The following AAMDC variants were observed in gnomAD, a reference collection of about 807,000 sequenced individuals.
AAMDC encodes the protein adipogenesis associated Mth938 domain containing.
Under a neutral mutation model 15.5 loss-of-function variants are expected in AAMDC, and 16 were observed. That is an observed-to-expected ratio of 1.03 (90% CI 0.70 to 1.57). AAMDC has a LOEUF of 1.57. AAMDC is among the 40% of genes most tolerant of loss of function. AAMDC has a pLI of 0.00. For missense variants in AAMDC, 141 were observed against 144.9 expected, an observed-to-expected ratio of 0.97 and a Z score of 0.14; for synonymous variants, 51 against 51.6, an observed-to-expected ratio of 0.99 and a Z score of 0.05.
chr11:77,831,918 C>T (rs367659829), intron 1 of AAMDC: 1 of 142,654 alleles, frequency 7.0e-6, no homozygotes. Flanking sequence ...CCATGTTGGC[C>T]AGTCTGGTCT....
downstream of AAMDC, chr11:77,877,056 A>C (rs117791419): frequency 4.5e-3 from 3,163 of 702,890 alleles, 8 homozygotes; most frequent in Non-Finnish European, 6.7e-3. Context: ...ACAGGTAAGC[A>C]CACTAGAAAA....
intron 2 of AAMDC, chr11:77,869,083 C>G (rs1951272927): frequency 6.9e-6 from 2 of 291,658 alleles, no homozygotes; most frequent in Non-Finnish European, 6.6e-6. Context: ...TACAGTATCA[C>G]CTGTCTCATA....
At chr11:77,878,988 A>G (rs1951687540) in intron 5 of AAMDC, 1 of 1,614,100 alleles carries the variant, frequency 6.2e-7, no homozygotes, top group East Asian at 2.2e-5. Context: ...AAACTTTTAC[A>G]GGCTTGCTGA....
chr11:77,863,832 G>A (rs1298446793), intron 2 of AAMDC, among the ~76,000 whole-genome samples: 1 of 152,000 alleles, frequency 6.6e-6, no homozygotes, highest in Non-Finnish European at 1.5e-5. Flanking sequence ...TCTCATTATT[G>A]CAGCTAATAT....
Position 77,872,177 on chromosome 11 carries a change from G to A in AAMDC, c.231G>A (p.Val77=). 1 of 1,612,014 alleles carries A rather than the reference G, an allele frequency of 6.2e-7. No individual in the cohort carries two copies. Among genetic ancestry groups the A allele is most frequent in the Non-Finnish European group, 8.5e-7 (1 of 1,179,220 alleles). Residue 77 remains valine, a splice_region_variant and synonymous_variant, in exon 4 of 4, where the codon GTG becomes GTA. Transcript: ENST00000393427. ...IGRGMSEALK[V]PSSTVEYLKK... is the part of the protein sequence containing the mutation. ...TCATCTCTTTTCCACCTTCCCAGGT[G>A]CCTTCATCAACTGTGGAGTACCTCA...
At chr11:77,883,643 G>A (rs1187244131) in intron 5 of AAMDC, among the ~76,000 whole-genome samples, 5 of 152,070 alleles carry the variant, frequency 3.3e-5, no homozygotes. Context: ...TCAAAGCACT[G>A]TAGCAAATTA....
chr11:77,823,248 T>C (rs909360357), intron 1 of AAMDC, among the ~76,000 whole-genome samples: 1 of 147,402 alleles, frequency 6.8e-6, no homozygotes, highest in Non-Finnish European at 1.5e-5. Context: ...ATTAAAATCC[T>C]ACTTCAGGAA....
intron 1 of AAMDC, among the ~76,000 whole-genome samples, chr11:77,821,782 T>G (rs1188083396): frequency 6.6e-6 from 1 of 152,052 alleles, no homozygotes; most frequent in East Asian, 1.9e-4. Flanking sequence ...CTACCAATAA[T>G]GTAAAATAGA....
downstream of AAMDC, among the ~76,000 whole-genome samples, chr11:77,873,087 AC>A (rs1196583652): frequency 1.3e-5 from 2 of 152,212 alleles, no homozygotes; most frequent in African/African-American, 4.8e-5. Flanking sequence ...TGAGAGAACT[AC>A]AAGCTATCAG....
At chr11:77,821,426 G>A (rs1307377471) in intron 1 of AAMDC, among the ~76,000 whole-genome samples, 185 bp downstream of exon 1, 1 of 152,150 alleles carries the variant, frequency 6.6e-6, no homozygotes, top group East Asian at 1.9e-4. Context: ...ATGTCTCTGT[G>A]GAAGTTTGCC....
At chr11:77,821,395 C>A (rs777681445) in intron 1 of AAMDC, among the ~76,000 whole-genome samples, 154 bp downstream of exon 1, 3 of 151,466 alleles carry the variant, frequency 2.0e-5, no homozygotes, top group Non-Finnish European at 4.4e-5. Context: ...TAATTAGGGG[C>A]TGGGCTGGGA....
chr11:77,901,177 T>C (rs1376082019), downstream of AAMDC, among the ~76,000 whole-genome samples: 1 of 152,224 alleles, frequency 6.6e-6, no homozygotes, highest in East Asian at 1.9e-4. Flanking sequence ...TGTTGTGCTA[T>C]ATGTAATGGA....
At chr11:77,878,642 A>T in intron 5 of AAMDC, 1 of 625,068 alleles carries the variant, frequency 1.6e-6, no homozygotes, top group Non-Finnish European at 2.8e-6. Flanking sequence ...ACACCTGAGG[A>T]ATAGCATGTA....
intron 5 of AAMDC, chr11:77,891,501 G>T (rs763342548): frequency 2.5e-6 from 4 of 1,609,938 alleles, no homozygotes; most frequent in Non-Finnish European, 3.4e-6. Flanking sequence ...TTAAAGCCAG[G>T]TCATTCCTGG....
chr11:77,893,940 G>A (rs201555674), intron 5 of AAMDC, among the ~76,000 whole-genome samples: 2 of 122,606 alleles, frequency 1.6e-5, no homozygotes, highest in African/African-American at 6.1e-5. Context: ...TGGTGTGAAC[G>A]AACAGTGTTG....
intron 2 of AAMDC, among the ~76,000 whole-genome samples, chr11:77,862,126 C>T (rs539495566): frequency 1.3e-4 from 20 of 152,236 alleles, no homozygotes; most frequent in African/African-American, 2.2e-4. Context: ...CAAATGTTTG[C>T]GGCACCAATC....
chr11:77,835,243 C>T (rs1021226230), intron 1 of AAMDC, among the ~76,000 whole-genome samples: 1 of 152,116 alleles, frequency 6.6e-6, no homozygotes, highest in African/African-American at 2.4e-5. Context: ...CCCTTTGCCC[C>T]GTCCCACTTT....
At position 77,849,862 on chromosome 11, in the gene AAMDC, G is replaced by A. The variant is rs117551913; in HGVS notation, c.132+7234G>A. 3.3e-3 allele frequency among the ~76,000 whole-genome samples: 502 copies of A among 152,048 alleles called. 1 individual carries two copies. Among genetic ancestry groups the A allele is most frequent in the South Asian group, 8.3e-3 (40 of 4,814 alleles). ...TTGGCTTTTGCATTATCTCCTCTAT[G>A]AAGCATTTTCTTAATCCTTCTGAGA... On this transcript the variant is annotated intron_variant, in intron 2 of 3. Transcript: ENST00000393427.
chr11:77,850,228 A>G (rs141777300), intron 2 of AAMDC, among the ~76,000 whole-genome samples: 110 of 152,332 alleles, frequency 7.2e-4, no homozygotes, highest in African/African-American at 2.6e-3. Flanking sequence ...AAGAAAATGT[A>G]AGGTCTTCAA....
Sources: gnomAD v4.1 joint callset for allele counts (sites outside exome capture counted in the v4.1 genomes callset) on GRCh38, gnomAD v4.1.1 for gene constraint, MANE v1.5 for transcripts, NCBI Gene and HGNC (gene_info 2026-07-23, HGNC 2026-07-21) for gene names.